TRAF3IP1: variants seen among roughly 807,000 people sequenced by gnomAD.
The protein encoded by TRAF3IP1 is intraflagellar transport 54, also known as TRAF3-interacting protein 1.
In TRAF3IP1, 53 loss-of-function variants were observed where a neutral mutation model predicts 89.9. The observed-to-expected ratio is 0.59, with a 90% CI of 0.47 to 0.74. The LOEUF (loss-of-function observed/expected upper bound fraction) is 0.74, where lower values mean the gene tolerates loss of function less well. Among genes scored for constraint, TRAF3IP1 ranks in the 30% least tolerant of loss-of-function variants. The probability of loss-of-function intolerance (pLI) is 0.00; values close to 1 mark genes in which losing one functional copy is unlikely to be tolerated. For missense variants in TRAF3IP1, 806 were observed against 866.1 expected (o/e 0.93, Z 0.87); for synonymous variants, 311 against 322.1 (o/e 0.97, Z 0.37).
chr2:238,373,712 A>C (rs1700202662), intron 15 of TRAF3IP1, among the ~76,000 whole-genome samples: 1 of 152,122 alleles, frequency 6.6e-6, no homozygotes, highest in East Asian at 1.9e-4. Context: ...GAATCTATAA[A>C]TTACTTTGGG....
At chr2:238,320,886 G>A in intron 1 of TRAF3IP1, 101 bp downstream of exon 1, 1 of 1,053,560 alleles carries the variant, frequency 9.5e-7, no homozygotes, top group Non-Finnish European at 1.2e-6. Flanking sequence ...AGCCGGGCTC[G>A]GGCTCAGGTG....
chr2:238,369,619 G>GTTT (rs57391245), intron 15 of TRAF3IP1, among the ~76,000 whole-genome samples: 5,697 of 152,218 alleles, frequency 0.037, 341 homozygotes, highest in African/African-American at 0.13. Flanking sequence ...CAGAAACGAG[G>GTTT]CTGTGCTGCC....
At chr2:238,364,093 G>C (rs1699773841) in intron 15 of TRAF3IP1, among the ~76,000 whole-genome samples, 1 of 152,034 alleles carries the variant, frequency 6.6e-6, no homozygotes, top group South Asian at 2.1e-4. Flanking sequence ...ATACAAAACA[G>C]GTGTTTTCTG....
At chr2:238,367,861 C>T (rs991815298) in intron 15 of TRAF3IP1, among the ~76,000 whole-genome samples, 19 of 152,158 alleles carry the variant, frequency 1.2e-4, no homozygotes, top group African/African-American at 3.9e-4. Context: ...GCCCCAGGCC[C>T]GGAGCCTGTG....
rs143114120 is a variant in TRAF3IP1 at position 238,377,488 on chromosome 2, A to G, written c.1690-19971A>G. Among the ~76,000 whole-genome samples, 23 of 152,108 alleles carry G rather than the reference A, an allele frequency of 1.5e-4. No homozygotes were observed. In the East Asian group the frequency reaches 3.7e-3, roughly 24 times the overall value. On this transcript the variant is annotated intron_variant, in intron 15 of 16. Transcript: ENST00000373327. ...TTTCTGGGTCGATTGAGATGATTCT[A>G]TTATATTCCTTAATTCACTATATGA...
In TRAF3IP1 at chr2:238,330,576, C is replaced by T. The variant is rs1196973214; in HGVS notation, c.915+1234C>T. Reference sequence around the variant, plus strand: ...GCAGGGCCTGAGCTGGTGCCATGGCCTCTTCCTCCCGGGACAGCCATCTTG... The same window carrying T: ...GCAGGGCCTGAGCTGGTGCCATGGCTTCTTCCTCCCGGGACAGCCATCTTG... On this transcript the variant is annotated intron_variant, in intron 5 of 16. Transcript: ENST00000373327. Among the ~76,000 whole-genome samples, 18 of 152,178 alleles carry T rather than the reference C, an allele frequency of 1.2e-4. 1 individual carries two copies. The highest frequency in any genetic ancestry group is 1.2e-3 in the Admixed American group (18 of 15,284).
chr2:238,349,173 C>CTCA, intron 11 of TRAF3IP1, 152 bp from the exon 12 acceptor site: 1 of 691,376 alleles, frequency 1.4e-6, no homozygotes, highest in African/African-American at 1.8e-5. Flanking sequence ...GTTACTGGGA[C>CTCA]GTTCCTCCTC....
intron 15 of TRAF3IP1, among the ~76,000 whole-genome samples, chr2:238,376,979 G>C (rs191197097): frequency 6.6e-6 from 1 of 152,256 alleles, no homozygotes; most frequent in Non-Finnish European, 1.5e-5. Flanking sequence ...GAACGTGTCC[G>C]GGGCCGTATG....
chr2:238,337,671 A>G (rs1412215164), intron 7 of TRAF3IP1, among the ~76,000 whole-genome samples: 1 of 152,242 alleles, frequency 6.6e-6, no homozygotes, highest in Non-Finnish European at 1.5e-5. Context: ...CTGTGCTGGC[A>G]GGTTGGATGC....
chr2:238,370,158 C>T (rs1005704409), intron 15 of TRAF3IP1, among the ~76,000 whole-genome samples: 1 of 151,910 alleles, frequency 6.6e-6, no homozygotes, highest in Non-Finnish European at 1.5e-5. Flanking sequence ...ATGTATGTGT[C>T]TGTGTTTGTT....
At chr2:238,346,259 T>A (rs937291161) in intron 9 of TRAF3IP1, among the ~76,000 whole-genome samples, 5 of 152,124 alleles carry the variant, frequency 3.3e-5, no homozygotes, top group African/African-American at 4.8e-5. Context: ...TCTGCCCCCA[T>A]TGGCCCAAAG....
At chr2:238,366,274 A>G (rs1311632681) in intron 15 of TRAF3IP1, among the ~76,000 whole-genome samples, 1 of 152,226 alleles carries the variant, frequency 6.6e-6, no homozygotes, top group Non-Finnish European at 1.5e-5. Flanking sequence ...ATCATTTAAA[A>G]TATTTATAAA....
intron 5 of TRAF3IP1, among the ~76,000 whole-genome samples, chr2:238,330,185 G>A (rs1181045230): frequency 6.6e-6 from 1 of 152,228 alleles, no homozygotes; most frequent in Non-Finnish European, 1.5e-5. Flanking sequence ...TAGGAGCATG[G>A]ACATTGCTCA....
At chr2:238,362,150 C>T (rs947408818) in intron 15 of TRAF3IP1, among the ~76,000 whole-genome samples, 1 of 152,180 alleles carries the variant, frequency 6.6e-6, no homozygotes, top group African/African-American at 2.4e-5. Flanking sequence ...CCCCTCCTGC[C>T]GGGCCAGTCC....
At chr2:238,335,770 A>T (rs796989293) in intron 7 of TRAF3IP1, among the ~76,000 whole-genome samples, 100 of 9,180 alleles carry the variant, frequency 0.011, 1 homozygote, top group Admixed American at 0.063. Flanking sequence ...ATTTTATTTT[A>T]TTTATTTATT....
At chr2:238,336,561 G>A (rs1698398014) in intron 7 of TRAF3IP1, among the ~76,000 whole-genome samples, 2 of 152,020 alleles carry the variant, frequency 1.3e-5, no homozygotes, top group African/African-American at 4.8e-5. Context: ...AAGTCATTCT[G>A]GAATCCCTGC....
chr2:238,331,589 T>G (rs1698128260), intron 5 of TRAF3IP1, among the ~76,000 whole-genome samples: 3 of 152,182 alleles, frequency 2.0e-5, no homozygotes, highest in Admixed American at 1.3e-4. Context: ...GCGAAGTGAT[T>G]TTTTCCTACT....
intron 9 of TRAF3IP1, chr2:238,347,225 AGT>A (rs1698935229): frequency 1.8e-6 from 1 of 543,302 alleles, no homozygotes; most frequent in South Asian, 2.3e-5. Flanking sequence ...GTTTCTATTT[AGT>A]ACCATTTTAT....
At chr2:238,350,719 C>T (rs1377479117) in intron 12 of TRAF3IP1, among the ~76,000 whole-genome samples, 8 of 152,118 alleles carry the variant, frequency 5.3e-5, no homozygotes, top group South Asian at 2.1e-4. Context: ...GGGCGGAGGC[C>T]GTGGCTGACA....
Sources: gnomAD v4.1 joint callset for allele counts (sites outside exome capture counted in the v4.1 genomes callset) on GRCh38, gnomAD v4.1.1 for gene constraint, MANE v1.5 for transcripts, NCBI Gene and HGNC (gene_info 2026-07-23, HGNC 2026-07-21) for gene names.